The following NTM variants were observed in gnomAD, a reference collection of about 807,000 sequenced individuals.
NTM encodes the protein IgLON family member 2.
A neutral mutation model predicts 42.1 loss-of-function variants in NTM; 13 were observed. That is an observed-to-expected ratio of 0.31 (90% CI 0.20 to 0.49). The LOEUF (loss-of-function observed/expected upper bound fraction) is 0.49, where lower values mean the gene tolerates loss of function less well. NTM is among the 20% of genes least tolerant of loss of function. The pLI, the probability that NTM is intolerant of heterozygous loss-of-function variation, is 0.99. For missense variants in NTM, 373 were observed against 452.8 expected (o/e 0.82, Z 1.60); for synonymous variants, 187 against 179.2 (o/e 1.04, Z -0.35).
At chr11:132,194,326 C>A (rs2079815821) in intron 3 of NTM, among the ~76,000 whole-genome samples, 1 of 152,024 alleles carries the variant, frequency 6.6e-6, no homozygotes, top group East Asian at 1.9e-4. Context: ...TACAAATCAA[C>A]AAATGTGTTT....
chr11:132,069,560 G>A (rs529552781), intron 2 of NTM, among the ~76,000 whole-genome samples: 5 of 148,680 alleles, frequency 3.4e-5, no homozygotes, highest in South Asian at 2.1e-4. Flanking sequence ...AAGTTAACAC[G>A]TCAAACTGAC....
intron 2 of NTM, among the ~76,000 whole-genome samples, chr11:131,970,812 C>A (rs558940437): frequency 6.6e-6 from 1 of 152,220 alleles, no homozygotes; most frequent in South Asian, 2.1e-4. Context: ...ATCATTGATC[C>A]CCAAAAGTGT....
At chr11:131,947,258 T>C (rs1374369086) in intron 2 of NTM, among the ~76,000 whole-genome samples, 1 of 152,180 alleles carries the variant, frequency 6.6e-6, no homozygotes, top group African/African-American at 2.4e-5. Flanking sequence ...CATGATGCCT[T>C]CTTACATTGT....
chr11:131,854,492 C>T (rs74765809), intron 1 of NTM, among the ~76,000 whole-genome samples: 2,223 of 152,216 alleles, frequency 0.015, 47 homozygotes, highest in African/African-American at 0.049. Context: ...AGAGGGAAAA[C>T]CAGCACTGCA....
intron 1 of NTM, chr11:131,660,787 T>C: frequency 9.0e-7 from 1 of 1,107,308 alleles, no homozygotes; most frequent in African/African-American, 1.6e-5. Flanking sequence ...TGCGAACTCC[T>C]GAGTTTCATT....
chr11:131,659,413 G>T (rs2134439159), intron 1 of NTM, among the ~76,000 whole-genome samples: 1 of 152,334 alleles, frequency 6.6e-6, no homozygotes, highest in East Asian at 1.9e-4. Context: ...ATCACACTGG[G>T]TGAGGGAGTT....
chr11:131,826,415 G>A (rs189660518), intron 1 of NTM, among the ~76,000 whole-genome samples: 4 of 152,190 alleles, frequency 2.6e-5, no homozygotes, highest in Admixed American at 1.3e-4. Flanking sequence ...TGATATGGGA[G>A]GGTGGATGAT....
chr11:131,838,580 T>A (rs1422904087), intron 1 of NTM, among the ~76,000 whole-genome samples: 1 of 152,158 alleles, frequency 6.6e-6, no homozygotes, highest in African/African-American at 2.4e-5. Flanking sequence ...AGTGCCAGTA[T>A]CCAGGGTCAA....
intron 2 of NTM, among the ~76,000 whole-genome samples, chr11:132,064,107 G>A (rs2081086320): frequency 6.6e-6 from 1 of 152,142 alleles, no homozygotes; most frequent in Non-Finnish European, 1.5e-5. Flanking sequence ...AGCACAAGAA[G>A]GGGAGATGAG....
intron 1 of NTM, among the ~76,000 whole-genome samples, chr11:131,641,729 AT>A (rs139661617): frequency 0.14 from 19,372 of 140,404 alleles, 1,372 homozygotes; most frequent in East Asian, 0.27. Flanking sequence ...AATAGTCTAG[AT>A]TTTTTTTTTT....
chr11:131,450,254 C>T (rs1028361347), intron 1 of NTM, among the ~76,000 whole-genome samples: 14 of 152,204 alleles, frequency 9.2e-5, no homozygotes, highest in Non-Finnish European at 1.8e-4. Flanking sequence ...CATTGCTATT[C>T]ATCCAGTAGA....
chr11:131,599,432 G>A lies in NTM; in HGVS notation c.82+228544G>A, dbSNP rs542407737. On this transcript the variant is annotated intron_variant, in intron 1 of 8. Transcript: ENST00000683400. ...TAACCCTATATAACCTCAAGGGGAC[G>A]GAAGGGAGAATCTGTCGGAGTGCAT... Among the ~76,000 whole-genome samples, 3 of 152,146 alleles carry A rather than the reference G, an allele frequency of 2.0e-5. No individual in the cohort carries two copies. The South Asian group carries it at 6.2e-4, about 32-fold the overall frequency.
chr11:131,632,421 A>G (rs780134170), intron 1 of NTM, among the ~76,000 whole-genome samples: 8 of 152,098 alleles, frequency 5.3e-5, no homozygotes, highest in Non-Finnish European at 1.0e-4. Context: ...CTGAAGGTTT[A>G]TAACTTTTCT....
intron 2 of NTM, among the ~76,000 whole-genome samples, chr11:131,942,110 G>A (rs540900230): frequency 5.5e-4 from 84 of 152,320 alleles, no homozygotes; most frequent in Non-Finnish European, 1.0e-3. Context: ...ATCACAGGAA[G>A]ATGGGCATTT....
At chr11:132,143,432 A>G (rs985009007) in intron 2 of NTM, among the ~76,000 whole-genome samples, 1 of 152,224 alleles carries the variant, frequency 6.6e-6, no homozygotes, top group African/African-American at 2.4e-5. Context: ...GAGCACCTAT[A>G]AGAACACTAA....
At chr11:131,873,636 CACA>C (rs2048107571) in intron 1 of NTM, among the ~76,000 whole-genome samples, 2 of 107,608 alleles carry the variant, frequency 1.9e-5, no homozygotes, top group African/African-American at 1.0e-4. Context: ...TATATATATA[CACA>C]TATATATATA....
rs529298081 is a variant in NTM, at chr11:131,407,454, A to G, written c.82+36566A>G. On this transcript the variant is annotated intron_variant, in intron 1 of 8. Coordinates refer to ENST00000683400, the MANE Select transcript of NTM (RefSeq NM_001352005.2). ...GCAGCATCCAGTCTGCAGACTCAAA[A>G]TCCCAGTGACTAAGAACAAAGGTGG... is the stretch of plus-strand genomic sequence containing the variant. 5.0e-4 allele frequency among the ~76,000 whole-genome samples: 76 copies of G among 152,320 alleles called. No individual in the cohort carries two copies. In the Middle Eastern group the frequency reaches 0.014, roughly 27 times the overall value.
At chr11:132,195,859 ACAAAC>A (rs2080126926) in intron 3 of NTM, among the ~76,000 whole-genome samples, 1 of 152,178 alleles carries the variant, frequency 6.6e-6, no homozygotes, top group Non-Finnish European at 1.5e-5. Flanking sequence ...ACCCTTGAAA[ACAAAC>A]CAAGAAAATA....
chr11:131,789,518 GAA>G lies in NTM; in HGVS notation c.83-122045_83-122044del, dbSNP rs2090178650. 7.0e-4 allele frequency among the ~76,000 whole-genome samples: 13 copies of G among 18,684 alleles called. 3 individuals carry two copies. The highest frequency in any genetic ancestry group is 3.6e-3 in the African/African-American group (13 of 3,568). 12.3% of individuals were successfully genotyped at this position (18,684 alleles called of 152,430 possible). ...GAAAGAAGAAGAAGAAGAAGAAGAAGAAGAAGAAGAAGAAGAAGAAGAAGAAG... is the reference window on the plus strand; with the variant it reads ...GAAAGAAGAAGAAGAAGAAGAAGAAGGAAGAAGAAGAAGAAGAAGAAGAAG... On this transcript the variant is annotated intron_variant, in intron 1 of 8. Coordinates refer to ENST00000683400, the MANE Select transcript of NTM (RefSeq NM_001352005.2).
Sources: allele counts gnomAD v4.1 joint callset (sites outside exome capture counted in the v4.1 genomes callset), GRCh38; gene constraint gnomAD v4.1.1; transcripts MANE v1.5; gene names NCBI Gene and HGNC (gene_info 2026-07-23, HGNC 2026-07-21).